DCAF17: variants seen among roughly 807,000 people sequenced by gnomAD.
DCAF17 encodes the protein DDB1 and CUL4 associated factor 17.
DCAF17 carries 48 observed loss-of-function variants against 66.0 expected under a neutral mutation model. The observed-to-expected ratio is 0.73, with a 90% CI of 0.58 to 0.92. The LOEUF is 0.92. DCAF17 is among the 40% of genes least tolerant of loss of function. DCAF17 has a pLI of 0.00. For synonymous variants in DCAF17, 206 were observed against 214.6 expected, an observed-to-expected ratio of 0.96 and a Z score of 0.35; for missense variants, 562 against 622.8, an observed-to-expected ratio of 0.90 and a Z score of 1.04.
At chr2:171,455,123 C>G (rs1695178631) in intron 6 of DCAF17, among the ~76,000 whole-genome samples, 1 of 142,220 alleles carries the variant, frequency 7.0e-6, no homozygotes, top group South Asian at 2.4e-4. Context: ...CTGATCCTTT[C>G]CCTCCTCCCA....
chr2:171,438,052 G>A (rs62183472), intron 2 of DCAF17, among the ~76,000 whole-genome samples: 30,693 of 152,120 alleles, frequency 0.2, 3,243 homozygotes, highest in South Asian at 0.28. Context: ...ATGTTGATAC[G>A]TTGTATGTGC....
chr2:171,454,678 T>C (rs1295522260), intron 6 of DCAF17, among the ~76,000 whole-genome samples: 2 of 151,976 alleles, frequency 1.3e-5, no homozygotes, highest in Non-Finnish European at 2.9e-5. Flanking sequence ...AGGCCGGTCA[T>C]TTGAGGTTAG....
At chr2:171,466,638 AGTTGT>A (rs1421032113) in intron 8 of DCAF17, among the ~76,000 whole-genome samples, 4 of 151,586 alleles carry the variant, frequency 2.6e-5, no homozygotes, top group Non-Finnish European at 5.9e-5. Context: ...GGCACATTAG[AGTTGT>A]GGGCAGAGTA....
intron 6 of DCAF17, among the ~76,000 whole-genome samples, chr2:171,453,970 C>T (rs569124184): frequency 5.3e-5 from 8 of 151,992 alleles, no homozygotes; most frequent in African/African-American, 1.4e-4. Flanking sequence ...TATTAGTTAC[C>T]GTTCATTGCT....
In DCAF17 at chr2:171,480,166, C is replaced by T. The variant is rs146734823; in HGVS notation, c.1395C>T (p.Ser465=). 6 of 1,613,560 alleles carry T rather than the reference C, an allele frequency of 3.7e-6. No homozygotes were observed. In the African/African-American group the frequency reaches 6.7e-5, roughly 18 times the overall value. The part of the protein sequence containing the change: ...HCNEYGTLLK[S]IPLVESWDVT... ...ATGAATATGGAACTTTACTTAAAAG[C>T]ATTCCACTAGTGGAGTCATGGGATG... The change falls in exon 13 of 14, where the codon AGC becomes AGT. Residue 465 remains serine (S), a synonymous_variant. Coordinates refer to ENST00000375255, the MANE Select transcript of DCAF17 (RefSeq NM_025000.4).
rs1389082232 is a variant in DCAF17 at position 171,471,424 on chromosome 2, C to CT, written c.981+2401dup. On this transcript the variant is annotated intron_variant, in intron 9 of 13. Transcript: ENST00000375255. ...GCTGCCCAGTATTTCACACAAAAAT[C>CT]TTTTTTTGCATATTTTAATTAGATA... Among the ~76,000 whole-genome samples the CT allele has an allele frequency of 7.2e-5, 11 of 152,046 alleles. No homozygotes were observed. In the East Asian group the frequency reaches 1.5e-3, roughly 21 times the overall value.
intron 8 of DCAF17, among the ~76,000 whole-genome samples, chr2:171,463,187 G>A (rs4417688): frequency 0.2 from 30,269 of 149,790 alleles, 3,160 homozygotes; most frequent in South Asian, 0.28. Flanking sequence ...GTGAGACTGC[G>A]CCACTGCACT....
At chr2:171,468,018 A>G (rs1361608065) in intron 8 of DCAF17, among the ~76,000 whole-genome samples, 1 of 152,188 alleles carries the variant, frequency 6.6e-6, no homozygotes, top group African/African-American at 2.4e-5. Context: ...TAAGGCAGTC[A>G]TAGGTTAGCC....
chr2:171,443,374 A>AG (rs1408775282), intron 2 of DCAF17, 149 bp from the exon 3 acceptor site: 3 of 603,178 alleles, frequency 5.0e-6, no homozygotes, highest in Non-Finnish European at 8.5e-6. Flanking sequence ...TTATGTGATC[A>AG]GAAAAAAATA....
chr2:171,444,386 C>T (rs1035910862), intron 3 of DCAF17, among the ~76,000 whole-genome samples: 34 of 152,014 alleles, frequency 2.2e-4, no homozygotes, highest in African/African-American at 6.8e-4. Flanking sequence ...TTTTGAATGC[C>T]GACATGACGC....
chr2:171,457,933 G>A lies in DCAF17; in HGVS notation c.628-38G>A, dbSNP rs138268520. 4.0e-5 allele frequency: 60 copies of A among 1,504,024 alleles called. No homozygotes were observed. The African/African-American group carries it at 7.4e-4, about 19-fold the overall frequency. The allele number at this position is 1,504,024 out of a possible 1,614,324, so 93.2% of individuals were successfully genotyped here. ...GAACATTCAGAGGATTGGACTTCCA[G>A]TCTTTTCTCAGGTGATATCTGTCTT... On this transcript the variant is annotated intron_variant, in intron 6 of 13. Transcript: ENST00000375255.
chr2:171,441,164 T>A (rs958716795), intron 2 of DCAF17, among the ~76,000 whole-genome samples: 3 of 152,178 alleles, frequency 2.0e-5, no homozygotes, highest in Non-Finnish European at 2.9e-5. Flanking sequence ...GGCCTTAACT[T>A]CTCCACACTC....
At chr2:171,435,478 TC>T (rs1693826007) in intron 2 of DCAF17, among the ~76,000 whole-genome samples, 1 of 151,910 alleles carries the variant, frequency 6.6e-6, no homozygotes, top group African/African-American at 2.4e-5. Context: ...AGTCAAGAAA[TC>T]CAGTTGCCAA....
chr2:171,474,727 A>G (rs1696417761), intron 10 of DCAF17, among the ~76,000 whole-genome samples: 1 of 152,228 alleles, frequency 6.6e-6, no homozygotes, highest in Non-Finnish European at 1.5e-5. Flanking sequence ...CAATGTACAT[A>G]CATTTAAACA....
At chr2:171,438,902 AT>A (rs540607648) in intron 2 of DCAF17, among the ~76,000 whole-genome samples, 7 of 100,144 alleles carry the variant, frequency 7.0e-5, no homozygotes, top group Non-Finnish European at 1.6e-4. Flanking sequence ...TTTTAAAACA[AT>A]TTTTTTAGAG....
At chr2:171,463,835 CTAGAGA>C (rs1392519559) in intron 8 of DCAF17, among the ~76,000 whole-genome samples, 1 of 152,180 alleles carries the variant, frequency 6.6e-6, no homozygotes, top group Non-Finnish European at 1.5e-5. Flanking sequence ...AACTCATCAG[CTAGAGA>C]TAAACTGTAT....
intron 10 of DCAF17, among the ~76,000 whole-genome samples, chr2:171,476,116 T>A (rs887728816): frequency 1.3e-5 from 2 of 152,074 alleles, no homozygotes; most frequent in Non-Finnish European, 2.9e-5. Context: ...TCTCCAGCAC[T>A]CTCTGGACAC....
At position 171,483,143 on chromosome 2, in the gene DCAF17, A is replaced by G; in HGVS notation, c.*2029A>G. On this transcript the variant is annotated 3_prime_UTR_variant, in exon 14 of 14. Coordinates refer to ENST00000375255, the MANE Select transcript of DCAF17 (RefSeq NM_025000.4). ...AATGTGGGGAATTTGGATACCACAC[A>G]TAGCGAGAGACAATGAAGCATGCTT... is the stretch of plus-strand genomic sequence containing the variant. The G allele has an allele frequency of 2.2e-6, 1 of 454,146 alleles. No individual in the cohort carries two copies. The highest frequency in any genetic ancestry group is 4.4e-6 in the Non-Finnish European group (1 of 226,792). 28.1% of individuals were successfully genotyped at this position (454,146 alleles called of 1,614,324 possible).
rs776773436 is a variant in DCAF17 at position 171,480,076 on chromosome 2, G to A, written c.1305G>A (p.Leu435=). 1 of 1,613,620 alleles carries A rather than the reference G, an allele frequency of 6.2e-7. No homozygotes were observed. Residue 435 remains leucine, a synonymous_variant, in exon 13 of 14, where the codon TTG becomes TTA. Transcript: ENST00000375255. ...KIVDYEDELD[L]LSVVAVTQID... is the part of the protein sequence containing the mutation. ...TGGACTATGAAGATGAGTTAGATTTGCTTTCTGTGGTAGCTGTTACTCAAA... is the reference window on the plus strand; with the variant it reads ...TGGACTATGAAGATGAGTTAGATTTACTTTCTGTGGTAGCTGTTACTCAAA...
Sources: allele counts gnomAD v4.1 joint callset (sites outside exome capture counted in the v4.1 genomes callset), GRCh38; gene constraint gnomAD v4.1.1; transcripts MANE v1.5; gene names NCBI Gene and HGNC (gene_info 2026-07-23, HGNC 2026-07-21).